Variants in DLG2 observed in about 807,000 individuals in gnomAD.
DLG2 encodes the protein disks large homolog 2.
In DLG2, 45 loss-of-function variants were observed where a neutral mutation model predicts 132.5. The ratio of observed to expected loss-of-function variants is 0.34; its 90% CI spans 0.27 to 0.44. DLG2 has a LOEUF of 0.44. Ranked by LOEUF, DLG2 falls within the 20% of genes least tolerant of loss-of-function variation. The pLI, the probability that DLG2 is intolerant of heterozygous loss-of-function variation, is 1.00. For missense variants in DLG2, 1,045 were observed against 1,196.9 expected (o/e 0.87, Z 1.87); for synonymous variants, 424 against 419.6 (o/e 1.01, Z -0.13).
intron 21 of DLG2, among the ~76,000 whole-genome samples, chr11:83,490,282 T>C (rs1310936199): frequency 2.0e-5 from 3 of 151,940 alleles, no homozygotes; most frequent in Non-Finnish European, 4.4e-5. Flanking sequence ...AAAACCTGGA[T>C]AATTTGAATA....
chr11:85,538,692 G>A (rs1405755305), intron 3 of DLG2, among the ~76,000 whole-genome samples: 1 of 151,848 alleles, frequency 6.6e-6, no homozygotes, highest in African/African-American at 2.4e-5. Context: ...CCTTTGTAGG[G>A]ACATGGATGA....
chr11:85,213,869 G>A (rs553197298), intron 4 of DLG2, among the ~76,000 whole-genome samples: 1 of 152,238 alleles, frequency 6.6e-6, no homozygotes, highest in East Asian at 1.9e-4. Flanking sequence ...TTAGGGTCCT[G>A]CCTTAAGAGG....
chr11:83,467,255 T>G (rs2091203362), intron 25 of DLG2, among the ~76,000 whole-genome samples: 1 of 152,178 alleles, frequency 6.6e-6, no homozygotes, highest in African/African-American at 2.4e-5. Flanking sequence ...GCCCAATAGT[T>G]TAGTGCTAGG....
At chr11:83,980,910 C>G (rs1418311776) in intron 11 of DLG2, among the ~76,000 whole-genome samples, 1 of 152,164 alleles carries the variant, frequency 6.6e-6, no homozygotes, top group African/African-American at 2.4e-5. Context: ...TGTTCCTCAG[C>G]TATCCTGTTT....
intron 21 of DLG2, among the ~76,000 whole-genome samples, chr11:83,509,052 AC>A (rs1380039926): frequency 4.6e-5 from 7 of 152,232 alleles, no homozygotes; most frequent in African/African-American, 1.7e-4. Flanking sequence ...AAATGTAGTC[AC>A]GTGATGTTAC....
intron 6 of DLG2, among the ~76,000 whole-genome samples, chr11:84,716,434 C>T (rs1425779984): frequency 6.6e-6 from 1 of 151,932 alleles, no homozygotes; most frequent in Non-Finnish European, 1.5e-5. Flanking sequence ...GGGAGACACA[C>T]ACACATGGAC....
At chr11:84,809,899 T>C (rs1188937544) in intron 6 of DLG2, among the ~76,000 whole-genome samples, 1 of 151,950 alleles carries the variant, frequency 6.6e-6, no homozygotes, top group African/African-American at 2.4e-5. Context: ...AATGGACACA[T>C]AGATCAGTGG....
intron 7 of DLG2, among the ~76,000 whole-genome samples, chr11:84,311,898 T>G (rs1378764932): frequency 6.6e-6 from 1 of 152,220 alleles, no homozygotes; most frequent in Non-Finnish European, 1.5e-5. Context: ...AATTTCTCTC[T>G]TTTTATCTGC....
chr11:84,062,278 C>T (rs1391292855), intron 10 of DLG2, among the ~76,000 whole-genome samples: 1 of 152,038 alleles, frequency 6.6e-6, no homozygotes, highest in East Asian at 1.9e-4. Context: ...TCTGTGGGAC[C>T]ACGGTGAGGC....
At chr11:85,544,897 G>C (rs1369303569) in intron 3 of DLG2, among the ~76,000 whole-genome samples, 1 of 152,156 alleles carries the variant, frequency 6.6e-6, no homozygotes, top group Non-Finnish European at 1.5e-5. Context: ...GGGGTGAGAT[G>C]ATGGGGTTTT....
At chr11:84,867,746 C>G (rs1024066953) in intron 6 of DLG2, among the ~76,000 whole-genome samples, 2 of 152,086 alleles carry the variant, frequency 1.3e-5, no homozygotes, top group Admixed American at 1.3e-4. Context: ...TCAAGGGTAC[C>G]AGAGTAAACA....
chr11:85,595,865 A>G lies in DLG2; in HGVS notation c.40+2792T>C, dbSNP rs533007258. ...AAATACCAGTCACAGTTATGTACAC[A>G]GAATTCCTCAAAGAAGATACCATTT... On this transcript the variant is annotated intron_variant, in intron 3 of 27. Transcript: ENST00000376104. Among the ~76,000 whole-genome samples, 6 of 152,384 alleles carry G rather than the reference A, an allele frequency of 3.9e-5. No homozygotes were observed. In the East Asian group the frequency reaches 1.2e-3, roughly 29 times the overall value.
In DLG2 at chr11:84,506,079, C is replaced by CTTTTTTTTTTTTTTTTTTTTTTTTTTTTT. The variant is rs779039240; in HGVS notation, c.519+28490_519+28491insAAAAAAAAAAAAAAAAAAAAAAAAAAAAA. On this transcript the variant is annotated intron_variant, in intron 7 of 27. Transcript: ENST00000376104. ...CTAATGTTATGACAGAGGCTCAGTTCTTTTTTTTTTTTTTGAGACGGAGTC... is the reference window on the plus strand; with the variant it reads ...CTAATGTTATGACAGAGGCTCAGTTCTTTTTTTTTTTTTTTTTTTTTTTTTTTTTTTTTTTTTTTTTTTGAGACGGAGTC... 5.2e-4 allele frequency among the ~76,000 whole-genome samples: 56 copies of CTTTTTTTTTTTTTTTTTTTTTTTTTTTTT among 107,018 alleles called. 16 individuals carry two copies. Among genetic ancestry groups the CTTTTTTTTTTTTTTTTTTTTTTTTTTTTT allele is most frequent in the African/African-American group, 2.7e-3 (53 of 19,736 alleles). The allele number at this position is 107,018 out of a possible 152,430, so 70.2% of individuals were successfully genotyped here. A position where few individuals can be genotyped will look rare whatever the true frequency, so the allele number is the denominator to read the frequency against.
chr11:85,014,864 T>C (rs1165275024), intron 6 of DLG2, among the ~76,000 whole-genome samples: 5 of 152,180 alleles, frequency 3.3e-5, no homozygotes, highest in Non-Finnish European at 5.9e-5. Flanking sequence ...TTGCACCAGA[T>C]TTATGATCTC....
chr11:84,550,157 C>T (rs2099399103), intron 6 of DLG2, among the ~76,000 whole-genome samples: 1 of 151,882 alleles, frequency 6.6e-6, no homozygotes, highest in Non-Finnish European at 1.5e-5. Context: ...CACATACACA[C>T]ACATGCATGT....
At chr11:85,603,167 A>G (rs2080287570) in intron 2 of DLG2, among the ~76,000 whole-genome samples, 1 of 152,236 alleles carries the variant, frequency 6.6e-6, no homozygotes, top group Admixed American at 6.5e-5. Flanking sequence ...TAATTTTTAA[A>G]AATGATTTCA....
chr11:83,737,458 T>C (rs886156790), intron 18 of DLG2, among the ~76,000 whole-genome samples: 1 of 152,250 alleles, frequency 6.6e-6, no homozygotes, highest in Non-Finnish European at 1.5e-5. Context: ...TACATTTTCA[T>C]GCTCTCTTGG....
At position 84,907,239 on chromosome 11, in the gene DLG2, T is replaced by C. The variant is rs138882528; in HGVS notation, c.357+204422A>G. Among the ~76,000 whole-genome samples, 851 of 152,220 alleles carry C rather than the reference T, an allele frequency of 5.6e-3. 6 individuals are homozygous for C. The highest frequency in any genetic ancestry group is 7.8e-3 in the Non-Finnish European group (531 of 68,022). ...TGAGGCAATTCAACATACGACTAAC[T>C]GGGAGATTAAGAAAGAGTGAAGGAA... On this transcript the variant is annotated intron_variant, in intron 6 of 27. Coordinates refer to ENST00000376104, the MANE Select transcript of DLG2 (RefSeq NM_001142699.3).
chr11:84,677,139 C>T (rs768746798), intron 6 of DLG2, among the ~76,000 whole-genome samples: 3 of 151,962 alleles, frequency 2.0e-5, no homozygotes, highest in Non-Finnish European at 4.4e-5. Context: ...ACTAAATTTT[C>T]GGGGATGGAA....
Sources: gnomAD v4.1 joint callset for allele counts (sites outside exome capture counted in the v4.1 genomes callset) on GRCh38, gnomAD v4.1.1 for gene constraint, MANE v1.5 for transcripts, NCBI Gene and HGNC (gene_info 2026-07-23, HGNC 2026-07-21) for gene names.